Variants in RIC3 observed in about 807,000 individuals in gnomAD.
RIC3 encodes the protein protein RIC-3.
Under a neutral mutation model 27.3 loss-of-function variants are expected in RIC3, and 28 were observed. The ratio of observed to expected loss-of-function variants is 1.02; its 90% CI spans 0.76 to 1.41. RIC3 has a LOEUF of 1.41. Among genes scored for constraint, RIC3 ranks in the 40% most tolerant of loss-of-function variants. RIC3 has a pLI of 0.00. For missense variants in RIC3, 501 were observed against 444.7 expected, an observed-to-expected ratio of 1.13 and a Z score of -1.14; for synonymous variants, 184 against 160.4, an observed-to-expected ratio of 1.15 and a Z score of -1.11.
intron 1 of RIC3, among the ~76,000 whole-genome samples, chr11:8,142,056 T>C (rs1949137202): frequency 6.7e-6 from 1 of 149,966 alleles, no homozygotes; most frequent in Non-Finnish European, 1.5e-5. Flanking sequence ...TAGCACTAAA[T>C]GCCCACAGGA....
chr11:8,137,274 T>C, intron 4 of RIC3, 104 bp downstream of exon 4: 1 of 912,782 alleles, frequency 1.1e-6, no homozygotes, highest in South Asian at 1.5e-5. Flanking sequence ...TCCACCCACC[T>C]CGGCCTCCCA....
chr11:8,110,840 C>T lies in RIC3; in HGVS notation c.968G>A (p.Ser323Asn). ...CTCTTGCTCAGGGTAGCTATCTGCACTGAATCCAGCATTCTCTGCCAAGAC... is the reference window on the plus strand; with the variant it reads ...CTCTTGCTCAGGGTAGCTATCTGCATTGAATCCAGCATTCTCTGCCAAGAC... ...PAVLAENAGF[S>N]ADSYPEQEET... The change falls in exon 6 of 6, where the codon AGT (serine) becomes AAT (asparagine). Residue 323 changes from serine (S) to asparagine (N), a missense_variant. By Grantham distance (46) the Ser-to-Asn change is conservative. Coordinates refer to ENST00000309737, the MANE Select transcript of RIC3 (RefSeq NM_001206671.4). 1 of 1,614,230 alleles carries T rather than the reference C, an allele frequency of 6.2e-7. No individual in the cohort carries two copies. The highest frequency in any genetic ancestry group is 8.5e-7 in the Non-Finnish European group (1 of 1,180,040).
intron 1 of RIC3, among the ~76,000 whole-genome samples, chr11:8,156,750 C>T (rs1030254502): frequency 6.6e-6 from 1 of 152,176 alleles, no homozygotes; most frequent in African/African-American, 2.4e-5. Context: ...CCAGATACTG[C>T]CCCCATGCCC....
At chr11:8,104,863 A>G (rs1358771973), downstream of RIC3, 2 of 152,142 alleles carry the variant, frequency 1.3e-5, no homozygotes, top group Non-Finnish European at 2.9e-5. Context: ...CAGAAGCTAT[A>G]AGAGAACTTT....
the RIC3 span, chr11:8,097,186 T>G: frequency 6.2e-7 from 1 of 1,610,446 alleles, no homozygotes; most frequent in East Asian, 2.2e-5. Context: ...TTGGGCTGCT[T>G]AGGGTCCTTG....
At position 8,139,973 on chromosome 11, in the gene RIC3, TA is replaced by T. The variant is rs1948860722; in HGVS notation, c.344del (p.Leu115HisfsTer40). On this transcript the variant is annotated frameshift_variant, in exon 2 of 6. Transcript: ENST00000309737. LOFTEE classifies it high-confidence loss of function. ...TTAGGATGATTCTACTTACCTTAAA[TA>T]GAATGTACAGTATATATAAAAAAAT... ...FGIFLYILYI[L>X]FKLSKGKTTA... 6.2e-7 allele frequency: 1 copy of T among 1,612,890 alleles called. No homozygotes were observed. Among genetic ancestry groups the T allele is most frequent in the Non-Finnish European group, 8.5e-7 (1 of 1,179,166 alleles).
chr11:8,155,950 A>G (rs1006465308), intron 1 of RIC3, among the ~76,000 whole-genome samples: 2 of 152,114 alleles, frequency 1.3e-5, no homozygotes, highest in African/African-American at 4.8e-5. Flanking sequence ...CAAGGGCCCT[A>G]TCTTGTTACA....
intron 1 of RIC3, among the ~76,000 whole-genome samples, chr11:8,157,425 TATA>T (rs1306096003): frequency 1.3e-5 from 2 of 152,184 alleles, no homozygotes; most frequent in African/African-American, 4.8e-5. Flanking sequence ...ACCCAAATCC[TATA>T]ATGACTTTTT....
intron 1 of RIC3, among the ~76,000 whole-genome samples, chr11:8,154,038 T>C (rs932875174): frequency 6.6e-6 from 1 of 152,188 alleles, no homozygotes; most frequent in Non-Finnish European, 1.5e-5. Context: ...TAAAACTGAA[T>C]AGCCCAGAAT....
chr11:8,125,059 C>T (rs1374820091), intron 5 of RIC3, among the ~76,000 whole-genome samples: 1 of 152,014 alleles, frequency 6.6e-6, no homozygotes, highest in African/African-American at 2.4e-5. Flanking sequence ...CAAGACCATC[C>T]TGGCTAACAT....
intron 4 of RIC3, among the ~76,000 whole-genome samples, chr11:8,133,846 T>C (rs1948034668): frequency 1.3e-5 from 2 of 152,162 alleles, no homozygotes; most frequent in Non-Finnish European, 2.9e-5. Flanking sequence ...GTGGAGTAAT[T>C]TGAGTTAAGG....
In RIC3 at chr11:8,140,070, C is replaced by T; in HGVS notation, c.248G>A (p.Gly83Asp). The change falls in exon 2 of 6, where the codon GGT (glycine) becomes GAT (aspartate). Residue 83 changes from glycine to aspartate, a missense_variant. Coordinates refer to ENST00000309737, the MANE Select transcript of RIC3 (RefSeq NM_001206671.4). Reference protein sequence around the residue: ...AEAFAKAKGSGGGAGGGGSGR... With the variant: ...AEAFAKAKGSDGGAGGGGSGR... ...ACTACCTCCTCCTCCAGCACCTCCA[C>T]CTGATCCTTTGGCCTTTGCAAATGC... is the stretch of plus-strand genomic sequence containing the variant. 6.2e-7 allele frequency: 1 copy of T among 1,614,146 alleles called. No homozygotes were observed. The highest frequency in any genetic ancestry group is 8.5e-7 in the Non-Finnish European group (1 of 1,180,036).
chr11:8,115,603 T>C (rs1945765812), intron 5 of RIC3, among the ~76,000 whole-genome samples: 1 of 151,922 alleles, frequency 6.6e-6, no homozygotes. Flanking sequence ...AGGTCAGGAG[T>C]TCGAGACCAG....
In RIC3 at chr11:8,110,710, C is replaced by G; in HGVS notation, c.1098G>C (p.Gln366His). 2 of 1,614,154 alleles carry G rather than the reference C, an allele frequency of 1.2e-6. No homozygotes were observed. Among genetic ancestry groups the G allele is most frequent in the South Asian group, 2.2e-5 (2 of 91,074 alleles). Reference sequence around the variant, plus strand: ...AGACTGGCTGTTTTCACTCTAAACCCTGGGGGTTACGCTTCCTCAGCATGC... The same window carrying G: ...AGACTGGCTGTTTTCACTCTAAACCGTGGGGGTTACGCTTCCTCAGCATGC... ...TGSMLRKRNPQGLE is the reference protein window; with the variant it reads ...TGSMLRKRNPHGLE Residue 366 changes from glutamine (Q) to histidine (H), a missense_variant, in exon 6 of 6, where the codon CAG (glutamine) becomes CAC (histidine). Gln to His is a conservative substitution (Grantham distance 24, BLOSUM62 0). Coordinates refer to ENST00000309737, the MANE Select transcript of RIC3 (RefSeq NM_001206671.4).
chr11:8,139,008 G>C (rs547647865), intron 2 of RIC3: 1 of 152,634 alleles, frequency 6.6e-6, no homozygotes, highest in African/African-American at 2.4e-5. Flanking sequence ...GTACTCTCAC[G>C]GCAAAACCGC....
chr11:8,095,435 C>CG, the RIC3 span: 2 of 1,528,872 alleles, frequency 1.3e-6, no homozygotes, highest in Non-Finnish European at 1.8e-6. Context: ...TCATGGACGT[C>CG]TGAGAATCCA....
chr11:8,137,168 G>A (rs1948515145), intron 4 of RIC3, among the ~76,000 whole-genome samples: 1 of 152,176 alleles, frequency 6.6e-6, no homozygotes. Context: ...GGGATTGCAG[G>A]TGTGCACCAC....
chr11:8,167,353 A>C (rs1951787016), intron 1 of RIC3, among the ~76,000 whole-genome samples: 1 of 152,218 alleles, frequency 6.6e-6, no homozygotes, highest in Non-Finnish European at 1.5e-5. Flanking sequence ...ATGGGAGAAA[A>C]GAGTTATTTT....
intron 1 of RIC3, among the ~76,000 whole-genome samples, chr11:8,144,717 A>G (rs1320709659): frequency 6.6e-6 from 1 of 151,800 alleles, no homozygotes; most frequent in East Asian, 1.9e-4. Flanking sequence ...GCTGCTATAA[A>G]GACACATGCA....
Sources: allele counts gnomAD v4.1 joint callset (sites outside exome capture counted in the v4.1 genomes callset), GRCh38; gene constraint gnomAD v4.1.1; transcripts MANE v1.5; gene names NCBI Gene and HGNC (gene_info 2026-07-23, HGNC 2026-07-21).